LRRTM4: variants seen among roughly 807,000 people sequenced by gnomAD.
LRRTM4 encodes leucine rich repeat transmembrane neuronal 4.
A neutral mutation model predicts 47.6 loss-of-function variants in LRRTM4; 25 were observed. The ratio of observed to expected loss-of-function variants is 0.53; its 90% CI spans 0.38 to 0.73. The LOEUF (loss-of-function observed/expected upper bound fraction) is 0.73. Ranked by LOEUF, LRRTM4 falls within the 30% of genes least tolerant of loss-of-function variation. The pLI is 0.00. For missense variants in LRRTM4, 638 were observed against 713.4 expected (o/e 0.89, Z 1.20); for synonymous variants, 311 against 269.5 (o/e 1.15, Z -1.51).
intron 3 of LRRTM4, among the ~76,000 whole-genome samples, chr2:76,811,822 C>G (rs1244776181): frequency 6.6e-6 from 1 of 151,942 alleles, no homozygotes; most frequent in Non-Finnish European, 1.5e-5. Context: ...TCTCAAGAGC[C>G]GAAAGCAAGC....
intron 3 of LRRTM4, among the ~76,000 whole-genome samples, chr2:76,782,326 A>G (rs1674442340): frequency 6.6e-6 from 1 of 152,330 alleles, no homozygotes; most frequent in South Asian, 2.1e-4. Flanking sequence ...TACAGTACAT[A>G]TCAAGCAATT....
At chr2:77,406,920 A>G (rs290015) in intron 3 of LRRTM4, among the ~76,000 whole-genome samples, 41,646 of 152,056 alleles carry the variant, frequency 0.27, 6,679 homozygotes, top group Non-Finnish European at 0.36. Context: ...AACTGGGGAA[A>G]TATACTGCCC....
intron 3 of LRRTM4, among the ~76,000 whole-genome samples, chr2:77,355,370 T>A (rs2104304001): frequency 6.6e-6 from 1 of 152,292 alleles, no homozygotes; most frequent in African/African-American, 2.4e-5. Flanking sequence ...GCTTTCTGTA[T>A]CCAGAAGCCC....
rs1053809552 is a variant in LRRTM4, at chr2:77,115,319, G to A, written c.1552-366403C>T. On this transcript the variant is annotated intron_variant, in intron 3 of 3. Coordinates refer to ENST00000409884, the MANE Select transcript of LRRTM4 (RefSeq NM_001134745.3). Reference sequence around the variant, plus strand: ...CTGTTATCCTGTTCTTTTTCAGGGTGCACTGGTTTCATATTGTTCAAACAC... The same window carrying A: ...CTGTTATCCTGTTCTTTTTCAGGGTACACTGGTTTCATATTGTTCAAACAC... Among the ~76,000 whole-genome samples, 3 of 152,216 alleles carry A rather than the reference G, an allele frequency of 2.0e-5. No individual in the cohort carries two copies. The South Asian group carries it at 6.2e-4, about 32-fold the overall frequency.
chr2:77,278,121 A>G (rs950908761), intron 3 of LRRTM4, among the ~76,000 whole-genome samples: 1 of 151,984 alleles, frequency 6.6e-6, no homozygotes, highest in Non-Finnish European at 1.5e-5. Flanking sequence ...ACTTATAATT[A>G]GAAGTCCAAG....
At chr2:77,497,647 A>G (rs1401372195) in intron 3 of LRRTM4, among the ~76,000 whole-genome samples, 1 of 151,150 alleles carries the variant, frequency 6.6e-6, no homozygotes, top group Non-Finnish European at 1.5e-5. Context: ...ATATACATGC[A>G]TATACACATA....
intron 3 of LRRTM4, among the ~76,000 whole-genome samples, chr2:77,165,493 G>T (rs1002178806): frequency 6.6e-6 from 1 of 152,038 alleles, no homozygotes; most frequent in African/African-American, 2.4e-5. Context: ...CAAAAGCCTG[G>T]CAGAGACACA....
At chr2:77,453,904 A>G (rs528971275) in intron 3 of LRRTM4, among the ~76,000 whole-genome samples, 71 of 151,884 alleles carry the variant, frequency 4.7e-4, no homozygotes, top group Non-Finnish European at 8.4e-4. Flanking sequence ...ATACTGGCCA[A>G]ATTTTTGTAA....
intron 3 of LRRTM4, among the ~76,000 whole-genome samples, chr2:77,182,734 A>T (rs981501607): frequency 6.6e-6 from 1 of 152,078 alleles, no homozygotes; most frequent in Non-Finnish European, 1.5e-5. Context: ...GAGAGAGGGC[A>T]TCCCTGCCTT....
chr2:77,361,092 C>T (rs1672190957), intron 3 of LRRTM4, among the ~76,000 whole-genome samples: 1 of 152,018 alleles, frequency 6.6e-6, no homozygotes, highest in Non-Finnish European at 1.5e-5. Flanking sequence ...GGATTCTAAG[C>T]TATGCCAGAT....
intron 3 of LRRTM4, among the ~76,000 whole-genome samples, chr2:77,167,916 G>A (rs553202522): frequency 4.6e-5 from 7 of 152,126 alleles, no homozygotes; most frequent in South Asian, 2.1e-4. Context: ...ATACCTGTAC[G>A]TTGTGCACAT....
intron 3 of LRRTM4, among the ~76,000 whole-genome samples, chr2:76,938,315 T>C (rs1318155278): frequency 1.3e-5 from 2 of 152,174 alleles, no homozygotes; most frequent in Non-Finnish European, 2.9e-5. Context: ...GCTAATAGTA[T>C]CATTCTGCTA....
At position 77,287,496 on chromosome 2, in the gene LRRTM4, G is replaced by T. The variant is rs534962573; in HGVS notation, c.1551+230822C>A. Among the ~76,000 whole-genome samples the T allele has an allele frequency of 2.6e-5, 4 of 151,758 alleles. No individual in the cohort carries two copies. The South Asian group carries it at 8.3e-4, about 32-fold the overall frequency. On this transcript the variant is annotated intron_variant, in intron 3 of 3. Transcript: ENST00000409884. The stretch of plus-strand genomic sequence containing the variant: ...TTTACCCATGTTTTTTTCCCCCAAG[G>T]TTTGTGTTACCTCAGGTGAACCCCA...
chr2:77,522,321 A>G lies in LRRTM4; in HGVS notation c.-360T>C, dbSNP rs996881735. The G allele has an allele frequency of 3.9e-6, 2 of 518,550 alleles. No individual in the cohort carries two copies. Among genetic ancestry groups the G allele is most frequent in the East Asian group, 3.2e-5 (1 of 31,564 alleles). 32.1% of individuals were successfully genotyped at this position (518,550 alleles called of 1,614,324 possible). A position where few individuals can be genotyped will look rare whatever the true frequency, so the allele number is the denominator to read the frequency against. On this transcript the variant is annotated 5_prime_UTR_variant, in exon 1 of 4. Coordinates refer to ENST00000409884, the MANE Select transcript of LRRTM4 (RefSeq NM_001134745.3). ...CCTTGTCTAATTCAGAAGGCTTTCCAGAGACTGATGATGCTCAGAGCTTGT... is the reference window on the plus strand; with the variant it reads ...CCTTGTCTAATTCAGAAGGCTTTCCGGAGACTGATGATGCTCAGAGCTTGT...
At chr2:76,901,557 C>T (rs1004506551) in intron 3 of LRRTM4, among the ~76,000 whole-genome samples, 3 of 151,538 alleles carry the variant, frequency 2.0e-5, no homozygotes, top group Non-Finnish European at 2.9e-5. Context: ...TCAGAGAAAA[C>T]CTCTTAGTAC....
intron 3 of LRRTM4, among the ~76,000 whole-genome samples, chr2:77,061,601 C>A (rs2103800952): frequency 6.6e-6 from 1 of 152,112 alleles, no homozygotes; most frequent in Admixed American, 6.5e-5. Flanking sequence ...TTAAACACTG[C>A]TTTTTGGTTG....
chr2:77,383,736 A>T (rs1011411214), intron 3 of LRRTM4, among the ~76,000 whole-genome samples: 6 of 152,090 alleles, frequency 3.9e-5, no homozygotes, highest in Non-Finnish European at 7.4e-5. Flanking sequence ...GCTCAAGTTC[A>T]CACAGCTTAT....
At chr2:77,015,192 C>T (rs1678014571) in intron 3 of LRRTM4, among the ~76,000 whole-genome samples, 1 of 152,074 alleles carries the variant, frequency 6.6e-6, no homozygotes, top group Non-Finnish European at 1.5e-5. Context: ...TCTGGATGGC[C>T]TACCCTAGAG....
In LRRTM4 at chr2:77,227,648, T is replaced by C. The variant is rs113031889; in HGVS notation, c.1551+290670A>G. Among the ~76,000 whole-genome samples the C allele has an allele frequency of 8.2e-3, 1,251 of 152,180 alleles. 10 individuals are homozygous for C. The highest frequency in any genetic ancestry group is 0.028 in the African/African-American group (1,153 of 41,548). ...TAATCTACTAGGGCCTGGCACATAGTAGGGGTTACACCTGTTAGTTTCTTT... is the reference window on the plus strand; with the variant it reads ...TAATCTACTAGGGCCTGGCACATAGCAGGGGTTACACCTGTTAGTTTCTTT... On this transcript the variant is annotated intron_variant, in intron 3 of 3. Coordinates refer to ENST00000409884, the MANE Select transcript of LRRTM4 (RefSeq NM_001134745.3).
Sources: gnomAD v4.1 joint callset for allele counts (sites outside exome capture counted in the v4.1 genomes callset) on GRCh38, gnomAD v4.1.1 for gene constraint, MANE v1.5 for transcripts, NCBI Gene and HGNC (gene_info 2026-07-23, HGNC 2026-07-21) for gene names.